The following COA1 variants were observed in gnomAD, a reference collection of about 807,000 sequenced individuals.
The protein encoded by COA1 is cytochrome c oxidase assembly factor 1, also known as cytochrome c oxidase assembly factor 1 homolog.
COA1 carries 13 observed loss-of-function variants against 16.0 expected under a neutral mutation model. The observed-to-expected ratio is 0.81, with a 90% CI of 0.53 to 1.29. The LOEUF (loss-of-function observed/expected upper bound fraction) is 1.29. Among genes scored for constraint, COA1 ranks in the 50% most tolerant of loss-of-function variants. The probability of loss-of-function intolerance (pLI) is 0.00; values close to 1 mark genes in which losing one functional copy is unlikely to be tolerated. For synonymous variants in COA1, 65 were observed against 65.7 expected (o/e 0.99, Z 0.05); for missense variants, 179 against 177.0 (o/e 1.01, Z -0.06).
chr7:43,614,950 C>T (rs1209955657), intron 6 of COA1, among the ~76,000 whole-genome samples: 1 of 152,076 alleles, frequency 6.6e-6, no homozygotes, highest in Non-Finnish European at 1.5e-5. Flanking sequence ...TTTAAGGGAA[C>T]AAATGGTATT....
chr7:43,675,339 C>A (rs1020157400), intron 1 of COA1, among the ~76,000 whole-genome samples: 9 of 152,022 alleles, frequency 5.9e-5, no homozygotes, highest in African/African-American at 2.2e-4. Context: ...GAACAAAAAA[C>A]CAAACATCGT....
chr7:43,692,240 C>T (rs955939002), intron 1 of COA1, among the ~76,000 whole-genome samples: 4 of 152,112 alleles, frequency 2.6e-5, no homozygotes, highest in Admixed American at 6.6e-5. Flanking sequence ...TTTCCTGGGC[C>T]AGGCGCAGTG....
At chr7:43,669,432 C>T (rs1250310192) in intron 1 of COA1, among the ~76,000 whole-genome samples, 3 of 152,174 alleles carry the variant, frequency 2.0e-5, no homozygotes, top group Non-Finnish European at 4.4e-5. Flanking sequence ...CCTCGCCTCA[C>T]AGGTGCCTGG....
Position 43,668,364 on chromosome 7 carries a change from T to A in COA1, c.-38-19712A>T, listed in dbSNP as rs143004047. 2.7e-3 allele frequency among the ~76,000 whole-genome samples: 418 copies of A among 152,310 alleles called. 9 individuals are homozygous for A. The East Asian group carries it at 0.035, about 13-fold the overall frequency. ...GAGATTCCTGTGGAACAGAGTTCCA[T>A]CAAAGCCAATCCAAAAGGCCTATGT... On this transcript the variant is annotated intron_variant, in intron 1 of 5. Transcript: ENST00000223336.
intron 1 of COA1, among the ~76,000 whole-genome samples, chr7:43,656,505 G>A (rs964555358): frequency 1.3e-5 from 2 of 152,036 alleles, no homozygotes; most frequent in African/African-American, 4.8e-5. Flanking sequence ...AGACCATCCT[G>A]GCCAACATGG....
In COA1 at chr7:43,686,826, A is replaced by G. The variant is rs935247922; in HGVS notation, c.-38-38174T>C. Reference sequence around the variant, plus strand: ...TTTCAACGAGAAAAAGGCTCTGTATATGGTACTACCCTATAATACAAGTAT... The same window carrying G: ...TTTCAACGAGAAAAAGGCTCTGTATGTGGTACTACCCTATAATACAAGTAT... On this transcript the variant is annotated intron_variant, in intron 1 of 5. Transcript: ENST00000223336. 4.6e-5 allele frequency among the ~76,000 whole-genome samples: 7 copies of G among 152,344 alleles called. No individual in the cohort carries two copies. In the South Asian group the frequency reaches 1.5e-3, roughly 32 times the overall value.
intron 1 of COA1, among the ~76,000 whole-genome samples, chr7:43,723,610 G>C (rs755624477): frequency 2.6e-5 from 4 of 151,234 alleles, no homozygotes; most frequent in Non-Finnish European, 4.4e-5. Flanking sequence ...TCCCCAAAAA[G>C]ACTAAAAACA....
intron 1 of COA1, among the ~76,000 whole-genome samples, chr7:43,673,048 T>C (rs1206184769): frequency 2.6e-5 from 4 of 151,984 alleles, no homozygotes; most frequent in Non-Finnish European, 4.4e-5. Flanking sequence ...ATGTAAAACC[T>C]AAAACTAAAA....
At chr7:43,721,775 C>G (rs2095509498) in intron 1 of COA1, among the ~76,000 whole-genome samples, 2 of 151,122 alleles carry the variant, frequency 1.3e-5, no homozygotes, top group Admixed American at 6.6e-5. Context: ...TTTTACTGTA[C>G]GGTAATTTAA....
At chr7:43,704,839 G>C (rs749741010) in intron 1 of COA1, among the ~76,000 whole-genome samples, 4 of 152,122 alleles carry the variant, frequency 2.6e-5, no homozygotes, top group Non-Finnish European at 5.9e-5. Context: ...ACCATTGCTG[G>C]GGAGCTAGTG....
intron 6 of COA1, among the ~76,000 whole-genome samples, chr7:43,630,225 A>G (rs1336230838): frequency 6.6e-6 from 1 of 152,182 alleles, no homozygotes; most frequent in Non-Finnish European, 1.5e-5. Context: ...GATATTTTCT[A>G]TTTAAAACCA....
At chr7:43,712,302 G>A (rs750107829) in intron 1 of COA1, among the ~76,000 whole-genome samples, 7 of 151,982 alleles carry the variant, frequency 4.6e-5, no homozygotes, top group Non-Finnish European at 1.0e-4. Context: ...TGGTATAGAC[G>A]GGGTTTTACC....
intron 6 of COA1, chr7:43,632,773 TC>T (rs1655395536): frequency 6.6e-6 from 1 of 152,210 alleles, no homozygotes; most frequent in Admixed American, 6.5e-5. Context: ...GGTCTTGAAC[TC>T]CTGGCATCAA....
At chr7:43,659,193 T>A (rs1219834364) in intron 1 of COA1, 1 of 152,208 alleles carries the variant, frequency 6.6e-6, no homozygotes, top group African/African-American at 2.4e-5. Flanking sequence ...TTAACAGGAC[T>A]TGTTGACAAA....
chr7:43,693,756 A>T (rs2094446000), intron 1 of COA1, among the ~76,000 whole-genome samples: 1 of 151,948 alleles, frequency 6.6e-6, no homozygotes, highest in Non-Finnish European at 1.5e-5. Context: ...TATCATTATC[A>T]CCAGGAACCC....
At chr7:43,700,227 G>A (rs1016279332) in intron 1 of COA1, among the ~76,000 whole-genome samples, 10 of 151,876 alleles carry the variant, frequency 6.6e-5, no homozygotes, top group Admixed American at 3.3e-4. Context: ...GAAAAACCTC[G>A]ATCAGTAATA....
intron 1 of COA1, among the ~76,000 whole-genome samples, chr7:43,698,427 A>C (rs1026510568): frequency 1.3e-5 from 2 of 152,230 alleles, no homozygotes; most frequent in African/African-American, 4.8e-5. Context: ...TATAAATGAC[A>C]AACCTCTCAA....
At chr7:43,709,293 T>C (rs150014468) in intron 1 of COA1, among the ~76,000 whole-genome samples, 1 of 152,192 alleles carries the variant, frequency 6.6e-6, no homozygotes, top group Non-Finnish European at 1.5e-5. Flanking sequence ...CCCAAAGTGC[T>C]GGGATTACAG....
At chr7:43,646,683 A>C (rs2089401213) in intron 3 of COA1, 10 of 453,168 alleles carry the variant, frequency 2.2e-5, no homozygotes, top group East Asian at 7.0e-5. Flanking sequence ...AGGGAAGAGG[A>C]GGCCAAATTA....
Sources: gnomAD v4.1 joint callset for allele counts (sites outside exome capture counted in the v4.1 genomes callset) on GRCh38, gnomAD v4.1.1 for gene constraint, MANE v1.5 for transcripts, NCBI Gene and HGNC (gene_info 2026-07-23, HGNC 2026-07-21) for gene names.